The following CCND3 variants were observed in gnomAD, a reference collection of about 807,000 sequenced individuals.
CCND3 encodes G1/S-specific cyclin-D3.
In CCND3, 9 loss-of-function variants were observed where a neutral mutation model predicts 28.7. That is an observed-to-expected ratio of 0.31 (90% CI 0.19 to 0.55). The LOEUF (loss-of-function observed/expected upper bound fraction) is 0.55, where lower values mean the gene tolerates loss of function less well. Ranked by LOEUF, CCND3 falls within the 20% of genes least tolerant of loss-of-function variation. The pLI, the probability that CCND3 is intolerant of heterozygous loss-of-function variation, is 0.93. For synonymous variants in CCND3, 164 were observed against 163.9 expected, an observed-to-expected ratio of 1.00 and a Z score of 0.00; for missense variants, 315 against 385.8, an observed-to-expected ratio of 0.82 and a Z score of 1.54.
At chr6:41,962,857 T>G (rs1476823636) in intron 1 of CCND3, among the ~76,000 whole-genome samples, 1 of 152,198 alleles carries the variant, frequency 6.6e-6, no homozygotes, top group Admixed American at 6.5e-5. Context: ...TTCAAGCGAT[T>G]CTCCTGTCTC....
At chr6:41,940,800 G>C (rs976947812) in intron 1 of CCND3, 6 of 901,760 alleles carry the variant, frequency 6.7e-6, no homozygotes, top group Non-Finnish European at 1.1e-5. Flanking sequence ...TCCCCTTGAC[G>C]GGGGAGTGGT....
At chr6:42,014,082 A>G (rs1164028632) in intron 1 of CCND3, among the ~76,000 whole-genome samples, 2 of 150,318 alleles carry the variant, frequency 1.3e-5, no homozygotes, top group African/African-American at 4.9e-5. Context: ...AAAAACAAAC[A>G]AGGCCGGGCG....
At chr6:41,937,656 G>A (rs1775852567) in intron 2 of CCND3, 1 of 509,172 alleles carries the variant, frequency 2.0e-6, no homozygotes, top group Non-Finnish European at 3.6e-6. Flanking sequence ...AATCCTGTCT[G>A]GTTATGTTTA....
chr6:41,945,405 C>T (rs1267078029), upstream of CCND3, among the ~76,000 whole-genome samples: 2 of 152,174 alleles, frequency 1.3e-5, no homozygotes, highest in Non-Finnish European at 2.9e-5. Context: ...ATCCCAGCTA[C>T]TCCGGAGGCT....
chr6:42,031,706 G>A (rs2127436862), intron 1 of CCND3, among the ~76,000 whole-genome samples: 1 of 151,690 alleles, frequency 6.6e-6, no homozygotes, highest in East Asian at 1.9e-4. Context: ...TTGTGTGTGT[G>A]TGTCTAAAAT....
At chr6:42,047,146 G>A (rs1764568012) in intron 1 of CCND3, among the ~76,000 whole-genome samples, 4 of 152,172 alleles carry the variant, frequency 2.6e-5, no homozygotes, top group South Asian at 2.1e-4. Context: ...AGGGGAAGCC[G>A]GAAGGAGAAG....
At chr6:41,988,847 T>C (rs9471709) in intron 1 of CCND3, among the ~76,000 whole-genome samples, 30,401 of 151,048 alleles carry the variant, frequency 0.2, 3,571 homozygotes, top group Non-Finnish European at 0.26. Flanking sequence ...TACAGGCGCC[T>C]GCCACCGCGC....
upstream of CCND3, among the ~76,000 whole-genome samples, chr6:41,944,176 A>T (rs574421347): frequency 3.4e-5 from 5 of 145,424 alleles, no homozygotes; most frequent in Non-Finnish European, 6.1e-5. Context: ...TACAAAAAAT[A>T]AAAAAAAAAA....
chr6:41,980,977 G>A (rs1183026953), intron 1 of CCND3, among the ~76,000 whole-genome samples: 7 of 152,120 alleles, frequency 4.6e-5, no homozygotes, highest in Non-Finnish European at 8.8e-5. Context: ...AACAAGCGAA[G>A]GAGGTTTTCT....
chr6:42,033,515 G>A (rs1764106695), intron 1 of CCND3, among the ~76,000 whole-genome samples: 1 of 150,288 alleles, frequency 6.7e-6, no homozygotes, highest in Non-Finnish European at 1.5e-5. Context: ...CGCACACATA[G>A]ATGTGTGTTT....
At chr6:42,019,715 G>T (rs1000888547) in intron 1 of CCND3, among the ~76,000 whole-genome samples, 3 of 151,906 alleles carry the variant, frequency 2.0e-5, no homozygotes, top group African/African-American at 7.3e-5. Flanking sequence ...GATTGGGGCG[G>T]AATTTAAACT....
chr6:42,044,783 T>TTTATTTA lies in CCND3; in HGVS notation c.-46+3717_-46+3718insTAAATAA, dbSNP rs144260165. On this transcript the variant is annotated intron_variant, in intron 1 of 4. Transcript: ENST00000372988. ...TCTTTTCTTTCTTTTCTTTCTTTCC[T>TTTATTTA]TTTATTTATTTATTTATTTATTTGA... Among the ~76,000 whole-genome samples, 6 of 143,032 alleles carry TTTATTTA rather than the reference T, an allele frequency of 4.2e-5. No homozygotes were observed. In the South Asian group the frequency reaches 6.8e-4, roughly 16 times the overall value. 93.8% of individuals were successfully genotyped at this position (143,032 alleles called of 152,430 possible).
intron 1 of CCND3, among the ~76,000 whole-genome samples, chr6:42,033,872 C>T (rs1485860971): frequency 6.6e-6 from 1 of 151,068 alleles, no homozygotes. Context: ...AAAATTAAAA[C>T]ATTTTTAATT....
intron 1 of CCND3, among the ~76,000 whole-genome samples, chr6:41,987,370 C>T (rs947926474): frequency 6.6e-6 from 1 of 151,876 alleles, no homozygotes; most frequent in African/African-American, 2.4e-5. Flanking sequence ...GGTGCTTATA[C>T]AAGCTAGCCA....
At chr6:41,980,594 A>G (rs1250124807) in intron 1 of CCND3, among the ~76,000 whole-genome samples, 2 of 152,180 alleles carry the variant, frequency 1.3e-5, no homozygotes, top group Non-Finnish European at 2.9e-5. Flanking sequence ...AAAACTATAG[A>G]CCAATATCTC....
rs3218106 is a variant in CCND3 at position 41,935,200 on chromosome 6, G to A, written c.*740C>T. 7.5e-3 allele frequency: 1,753 copies of A among 233,552 alleles called. 27 individuals are homozygous for A. The highest frequency in any genetic ancestry group is 0.032 in the African/African-American group (1,475 of 45,476). 14.5% of individuals were successfully genotyped at this position (233,552 alleles called of 1,614,324 possible). A position where few individuals can be genotyped will look rare whatever the true frequency, so the allele number is the denominator to read the frequency against. ...CTTGGCCACAAAGATCCTTTTGCCA[G>A]TAGCAGAAGGGAGGAAAACAGCAAC... On this transcript the variant is annotated 3_prime_UTR_variant, in exon 5 of 5. Transcript: ENST00000372991.
At chr6:42,032,990 G>A (rs1237088255) in intron 1 of CCND3, among the ~76,000 whole-genome samples, 2 of 152,156 alleles carry the variant, frequency 1.3e-5, no homozygotes, top group African/African-American at 4.8e-5. Flanking sequence ...TGAGAGTGAT[G>A]CCTCCCCAAC....
At chr6:42,044,392 T>C (rs1335319005) in intron 1 of CCND3, among the ~76,000 whole-genome samples, 1 of 152,136 alleles carries the variant, frequency 6.6e-6, no homozygotes, top group Non-Finnish European at 1.5e-5. Context: ...GGGCAACAGC[T>C]CCACCTGGTG....
intron 1 of CCND3, among the ~76,000 whole-genome samples, chr6:42,027,629 G>A (rs1230205612): frequency 6.6e-6 from 1 of 152,176 alleles, no homozygotes; most frequent in Non-Finnish European, 1.5e-5. Flanking sequence ...AAGGTGGTAA[G>A]GAGGGCAGAA....
Sources: allele counts gnomAD v4.1 joint callset (sites outside exome capture counted in the v4.1 genomes callset), GRCh38; gene constraint gnomAD v4.1.1; transcripts MANE v1.5; gene names NCBI Gene and HGNC (gene_info 2026-07-23, HGNC 2026-07-21).